NRXN3: variants seen among roughly 807,000 people sequenced by gnomAD.
NRXN3 encodes the protein neurexin 3.
NRXN3 carries 32 observed loss-of-function variants against 137.6 expected under a neutral mutation model. The observed-to-expected ratio is 0.23, with a 90% CI of 0.18 to 0.31. The LOEUF (loss-of-function observed/expected upper bound fraction) is 0.31. Among genes scored for constraint, NRXN3 ranks in the 10% least tolerant of loss-of-function variants. The pLI, the probability that NRXN3 is intolerant of heterozygous loss-of-function variation, is 1.00. For missense variants in NRXN3, 1,574 were observed against 2,062.5 expected, an observed-to-expected ratio of 0.76 and a Z score of 4.59; for synonymous variants, 798 against 784.5, an observed-to-expected ratio of 1.02 and a Z score of -0.29.
At chr14:78,225,120 TG>T in intron 1 of NRXN3, among the ~76,000 whole-genome samples, 1 of 152,236 alleles carries the variant, frequency 6.6e-6, no homozygotes, top group Non-Finnish European at 1.5e-5. Flanking sequence ...TACCCAGTAA[TG>T]GGATGGCTTG....
chr14:79,107,268 A>G (rs963066437), intron 15 of NRXN3, among the ~76,000 whole-genome samples: 2 of 152,118 alleles, frequency 1.3e-5, no homozygotes, highest in Non-Finnish European at 2.9e-5. Flanking sequence ...TCCTAAAGCC[A>G]GTAGTGTGGT....
chr14:79,047,712 A>G (rs543721225), intron 15 of NRXN3, among the ~76,000 whole-genome samples: 5 of 152,316 alleles, frequency 3.3e-5, no homozygotes, highest in Non-Finnish European at 5.9e-5. Context: ...AAGAAATTGT[A>G]TATTAAAATC....
At chr14:78,560,803 A>G (rs1481033987) in intron 4 of NRXN3, among the ~76,000 whole-genome samples, 1 of 152,192 alleles carries the variant, frequency 6.6e-6, no homozygotes, top group Non-Finnish European at 1.5e-5. Flanking sequence ...TTTGGCTTTA[A>G]AGGATAATCA....
chr14:79,280,205 T>C, intron 15 of NRXN3: 5 of 1,566,264 alleles, frequency 3.2e-6, no homozygotes, highest in Non-Finnish European at 4.3e-6. Context: ...CCTCCTGCTA[T>C]GATGGGCCCT....
chr14:78,914,258 G>C (rs1024625207), intron 10 of NRXN3, among the ~76,000 whole-genome samples: 1 of 152,168 alleles, frequency 6.6e-6, no homozygotes, highest in Non-Finnish European at 1.5e-5. Context: ...TGTATTCTGG[G>C]CTCCAAATAT....
chr14:78,864,450 C>G (rs31361), intron 10 of NRXN3, among the ~76,000 whole-genome samples: 27,860 of 151,990 alleles, frequency 0.18, 5,117 homozygotes, highest in African/African-American at 0.47. Flanking sequence ...GAAACTGAAA[C>G]CTAGCCAACA....
chr14:79,393,078 T>C (rs2094907602), intron 15 of NRXN3, among the ~76,000 whole-genome samples: 1 of 151,184 alleles, frequency 6.6e-6, no homozygotes, highest in South Asian at 2.1e-4. Flanking sequence ...AGTGAAACCA[T>C]TGTGGAAGTC....
intron 20 of NRXN3, among the ~76,000 whole-genome samples, chr14:79,834,050 C>T (rs1410887307): frequency 6.6e-6 from 1 of 151,990 alleles, no homozygotes; most frequent in African/African-American, 2.4e-5. Context: ...TGTTACAGCA[C>T]ATACATATTT....
At chr14:78,572,711 A>G (rs2096901106) in intron 4 of NRXN3, among the ~76,000 whole-genome samples, 1 of 152,222 alleles carries the variant, frequency 6.6e-6, no homozygotes, top group Non-Finnish European at 1.5e-5. Flanking sequence ...ACATCACACC[A>G]GAGTTTTCTA....
At chr14:79,573,997 C>T (rs112360401) in intron 16 of NRXN3, among the ~76,000 whole-genome samples, 9,573 of 151,986 alleles carry the variant, frequency 0.063, 376 homozygotes, top group Middle Eastern at 0.13. Context: ...GATATTCAGC[C>T]ATCATTAAAA....
At chr14:79,557,578 T>A (rs1319815932) in intron 16 of NRXN3, among the ~76,000 whole-genome samples, 1 of 152,178 alleles carries the variant, frequency 6.6e-6, no homozygotes, top group African/African-American at 2.4e-5. Flanking sequence ...GACATTCTAC[T>A]GTAGTCTATT....
chr14:78,937,634 G>A (rs963918690), intron 10 of NRXN3, among the ~76,000 whole-genome samples: 1 of 152,138 alleles, frequency 6.6e-6, no homozygotes, highest in East Asian at 1.9e-4. Flanking sequence ...AAATTCAAAG[G>A]ATGTTTAATG....
chr14:79,059,401 GCGCC>G (rs1306314197), intron 15 of NRXN3, among the ~76,000 whole-genome samples: 1 of 151,860 alleles, frequency 6.6e-6, no homozygotes, highest in African/African-American at 2.4e-5. Flanking sequence ...GAGACTACAG[GCGCC>G]CGCCACCACA....
At chr14:79,775,441 C>G (rs1298976889) in intron 19 of NRXN3, among the ~76,000 whole-genome samples, 1 of 148,740 alleles carries the variant, frequency 6.7e-6, no homozygotes, top group Non-Finnish European at 1.5e-5. Context: ...GATTGGGGGG[C>G]GTGATTCTTA....
chr14:78,696,811 A>C (rs2098230644), intron 6 of NRXN3, among the ~76,000 whole-genome samples: 1 of 152,102 alleles, frequency 6.6e-6, no homozygotes, highest in East Asian at 1.9e-4. Context: ...CATGTGAAAC[A>C]CTAAGAACAA....
chr14:78,551,852 T>A (rs1004296371), intron 4 of NRXN3, among the ~76,000 whole-genome samples: 21 of 152,228 alleles, frequency 1.4e-4, no homozygotes, highest in South Asian at 2.1e-4. Flanking sequence ...GTATTTTTTT[T>A]AAATAAAATA....
rs531152168 is a variant in NRXN3, at chr14:79,866,670, C to G, written c.*4706C>G. ...AGTTCAAGGTCAAGGGCTGCTTTGT[C>G]GAGTACAAAGGACTCGAGCATATTT... On this transcript the variant is annotated 3_prime_UTR_variant, in exon 21 of 21. Transcript: ENST00000335750. The G allele has an allele frequency of 6.6e-6, 1 of 152,062 alleles. No homozygotes were observed. Among genetic ancestry groups the G allele is most frequent in the Non-Finnish European group, 1.5e-5 (1 of 68,024 alleles). 9.4% of individuals were successfully genotyped at this position (152,062 alleles called of 1,614,324 possible). A position where few individuals can be genotyped will look rare whatever the true frequency, so the allele number is the denominator to read the frequency against.
At chr14:79,728,787 G>GAAGT (rs2098908605) in intron 19 of NRXN3, among the ~76,000 whole-genome samples, 1 of 152,202 alleles carries the variant, frequency 6.6e-6, no homozygotes, top group African/African-American at 2.4e-5. Flanking sequence ...TCGTACGGGG[G>GAAGT]AAGTAAGTTC....
At chr14:79,008,560 C>T (rs537879582) in intron 15 of NRXN3, among the ~76,000 whole-genome samples, 2 of 142,340 alleles carry the variant, frequency 1.4e-5, no homozygotes, top group African/African-American at 5.1e-5. Context: ...CCTACTCTCT[C>T]CCTGCAAAAA....
Sources: gnomAD v4.1 joint callset for allele counts (sites outside exome capture counted in the v4.1 genomes callset) on GRCh38, gnomAD v4.1.1 for gene constraint, MANE v1.5 for transcripts, NCBI Gene and HGNC (gene_info 2026-07-23, HGNC 2026-07-21) for gene names.